The following ACACB variants were observed in gnomAD, a reference collection of about 807,000 sequenced individuals.
ACACB encodes acetyl-CoA carboxylase 2.
ACACB carries 209 observed loss-of-function variants against 278.8 expected under a neutral mutation model. The observed-to-expected ratio is 0.75, with a 90% CI of 0.67 to 0.84. The LOEUF is 0.84. Ranked by LOEUF, ACACB falls within the 40% of genes least tolerant of loss-of-function variation. The probability of loss-of-function intolerance (pLI) is 0.00; values close to 1 mark genes in which losing one functional copy is unlikely to be tolerated. For synonymous variants in ACACB, 1,174 were observed against 1,285.6 expected, an observed-to-expected ratio of 0.91 and a Z score of 1.86; for missense variants, 2,850 against 3,269.0, an observed-to-expected ratio of 0.87 and a Z score of 3.13.
intron 2 of ACACB, among the ~76,000 whole-genome samples, chr12:109,153,159 T>C (rs2043424998): frequency 6.6e-6 from 1 of 151,486 alleles, no homozygotes; most frequent in Non-Finnish European, 1.5e-5. Flanking sequence ...CAGCTAATTT[T>C]TGTAGTTTTA....
chr12:109,121,012 T>C (rs2042536010), intron 1 of ACACB, among the ~76,000 whole-genome samples: 1 of 152,180 alleles, frequency 6.6e-6, no homozygotes, highest in Non-Finnish European at 1.5e-5. Context: ...TGATCTCAGC[T>C]AACTGCAACC....
chr12:109,116,283 G>A (rs898276752), upstream of ACACB, among the ~76,000 whole-genome samples: 4 of 152,174 alleles, frequency 2.6e-5, no homozygotes, highest in African/African-American at 9.7e-5. Context: ...ACCAACACCT[G>A]TAGGCAGTTA....
chr12:109,167,169 GC>G, intron 3 of ACACB, 176 bp downstream of exon 3: 4 of 748,700 alleles, frequency 5.3e-6, no homozygotes, highest in Non-Finnish European at 8.5e-6. Context: ...TAATAGTGAA[GC>G]CTCTTTCAAA....
At chr12:109,153,103 C>T (rs1462145228) in intron 2 of ACACB, among the ~76,000 whole-genome samples, 1 of 152,158 alleles carries the variant, frequency 6.6e-6, no homozygotes, top group East Asian at 1.9e-4. Context: ...TCTCCTGCCT[C>T]AGCCTCTGGA....
At chr12:109,258,453 C>T (rs775676108) in intron 46 of ACACB, 89 bp downstream of exon 46, 2 of 1,076,294 alleles carry the variant, frequency 1.9e-6, no homozygotes, top group Non-Finnish European at 2.7e-6. Context: ...CCCTGCCCTG[C>T]CAACTTAGGT....
At chr12:109,234,781 C>T (rs1237179993) in intron 31 of ACACB, among the ~76,000 whole-genome samples, 2 of 150,964 alleles carry the variant, frequency 1.3e-5, no homozygotes, top group African/African-American at 4.9e-5. Flanking sequence ...AGGGTAACAA[C>T]GCACACCGGG....
At chr12:109,199,930 G>A (rs1199106558) in intron 18 of ACACB, among the ~76,000 whole-genome samples, 4 of 151,202 alleles carry the variant, frequency 2.6e-5, no homozygotes, top group Non-Finnish European at 5.9e-5. Flanking sequence ...GGAGGATGGC[G>A]TGAAGGCAGG....
chr12:109,213,057 G>C, intron 22 of ACACB, 121 bp downstream of exon 22: 1 of 753,386 alleles, frequency 1.3e-6, no homozygotes. Flanking sequence ...GTGTGTTATA[G>C]TCCTGCAGTG....
At chr12:109,236,983 C>T (rs1383415579) in intron 33 of ACACB, among the ~76,000 whole-genome samples, 182 bp from the exon 34 acceptor site, 1 of 152,050 alleles carries the variant, frequency 6.6e-6, no homozygotes, top group Non-Finnish European at 1.5e-5. Flanking sequence ...TAGCAAAACC[C>T]CAAATATCTG....
At chr12:109,187,522 G>A (rs746991103) in intron 12 of ACACB, among the ~76,000 whole-genome samples, 12 of 151,678 alleles carry the variant, frequency 7.9e-5, no homozygotes, top group East Asian at 3.9e-4. Context: ...GTGCAGTGGC[G>A]TAGTCATGCC....
Position 109,191,872 on chromosome 12 carries a change from G to C in ACACB, c.2321G>C (p.Gly774Ala), listed in dbSNP as rs761980605. The C allele has an allele frequency of 1.2e-6, 2 of 1,614,212 alleles. No homozygotes were observed. The highest frequency in any genetic ancestry group is 1.7e-5 in the Admixed American group (1 of 60,030). Residue 774 changes from glycine (G) to alanine (A), a missense_variant, in exon 15 of 53, where the codon GGG (glycine) becomes GCG (alanine). Transcript: ENST00000338432. The stretch of plus-strand genomic sequence containing the variant: ...GCGGAGAAACCGGATATCATGCTTG[G>C]GGTGGTATGCGGGGCCTTGAACGTG... ...VQAEKPDIML[G>A]VVCGALNVAD...
At chr12:109,249,799 T>C (rs1430986743) in intron 40 of ACACB, 185 bp from the exon 41 acceptor site, 2 of 588,516 alleles carry the variant, frequency 3.4e-6, no homozygotes, top group Admixed American at 3.7e-5. Context: ...ATGCTGCACT[T>C]GCCCTTTTAG....
At chr12:109,242,834 C>T (rs933885275) in intron 37 of ACACB, among the ~76,000 whole-genome samples, 18 of 152,116 alleles carry the variant, frequency 1.2e-4, no homozygotes, top group Admixed American at 7.9e-4. Flanking sequence ...GGCGTGGTGG[C>T]GCATGCCTGT....
intron 28 of ACACB, among the ~76,000 whole-genome samples, chr12:109,230,235 G>A (rs1410303263): frequency 1.3e-5 from 2 of 152,194 alleles, no homozygotes; most frequent in African/African-American, 2.4e-5. Context: ...GCTTCCCCAC[G>A]AGGCACTGCC....
chr12:109,251,500 G>A (rs924224802), intron 41 of ACACB, among the ~76,000 whole-genome samples: 5 of 152,148 alleles, frequency 3.3e-5, no homozygotes, highest in African/African-American at 1.2e-4. Context: ...TAGATTATAT[G>A]TATAGTCTTT....
At chr12:109,223,731 C>T (rs2046241687) in intron 26 of ACACB, 84 bp from the exon 27 acceptor site, 1 of 1,295,078 alleles carries the variant, frequency 7.7e-7, no homozygotes, top group East Asian at 2.3e-5. Context: ...CACTGCACTC[C>T]AGTTTATCTC....
At chr12:109,249,037 T>C (rs1362950046) in intron 40 of ACACB, 1 of 152,218 alleles carries the variant, frequency 6.6e-6, no homozygotes, top group Non-Finnish European at 1.5e-5. Flanking sequence ...AACCAAAAAG[T>C]ATCTGAGACA....
chr12:109,167,621 G>GTATATATATATA (rs1216217057), intron 3 of ACACB, among the ~76,000 whole-genome samples: 1,518 of 77,378 alleles, frequency 0.02, 56 homozygotes, highest in Non-Finnish European at 0.026. Flanking sequence ...ATATGTATGT[G>GTATATATATATA]TATATATATA....
In ACACB at chr12:109,249,986, AC is replaced by A. The variant is rs1488784682; in HGVS notation, c.5673del (p.Tyr1891Ter). ...TTAACCTGTGCTTGCTTTTGAAGATACATGATCACGGATATCATCGGGAAGG... is the reference window on the plus strand; with the variant it reads ...TTAACCTGTGCTTGCTTTTGAAGATAATGATCACGGATATCATCGGGAAGG... ...KHIEEGGESR[Y>X]MITDIIGKDD... On this transcript the variant is annotated frameshift_variant, in exon 41 of 53. Transcript: ENST00000338432. LOFTEE classifies it high-confidence loss of function. The A allele has an allele frequency of 6.2e-7, 1 of 1,611,722 alleles. No homozygotes were observed. Among genetic ancestry groups the A allele is most frequent in the Admixed American group, 1.7e-5 (1 of 59,552 alleles).
Sources: allele counts gnomAD v4.1 joint callset (sites outside exome capture counted in the v4.1 genomes callset), GRCh38; gene constraint gnomAD v4.1.1; transcripts MANE v1.5; gene names NCBI Gene and HGNC (gene_info 2026-07-23, HGNC 2026-07-21).